The following BRCA2 variants were observed in gnomAD, a reference collection of about 807,000 sequenced individuals.
BRCA2 encodes the protein BRCA2 DNA repair associated.
In BRCA2, 203 loss-of-function variants were observed where a neutral mutation model predicts 276.7. That is an observed-to-expected ratio of 0.73 (90% CI 0.65 to 0.82). The LOEUF is 0.82. Among genes scored for constraint, BRCA2 ranks in the 40% least tolerant of loss-of-function variants. The probability of loss-of-function intolerance (pLI) is 0.00; values close to 1 mark genes in which losing one functional copy is unlikely to be tolerated. For synonymous variants in BRCA2, 1,289 were observed against 1,338.4 expected, an observed-to-expected ratio of 0.96 and a Z score of 0.81; for missense variants, 3,920 against 3,915.0, an observed-to-expected ratio of 1.00 and a Z score of -0.03.
At chr13:32,384,817 A>G (rs1566255354) in intron 24 of BRCA2, 4 of 274,128 alleles carry the variant, frequency 1.5e-5, no homozygotes, top group Non-Finnish European at 3.1e-5. Flanking sequence ...CAGTGTGGGA[A>G]TACACAATAC....
intron 24 of BRCA2, among the ~76,000 whole-genome samples, chr13:32,389,084 G>A (rs1242620779): frequency 6.6e-6 from 1 of 151,776 alleles, no homozygotes; most frequent in Non-Finnish European, 1.5e-5. Flanking sequence ...TTTTGTAGTT[G>A]TTTCTCTAGG....
Position 32,339,195 on chromosome 13 carries a change from A to T in BRCA2, c.4840A>T (p.Lys1614Ter), listed in dbSNP as rs80358706. The T allele has an allele frequency of 6.2e-7, 1 of 1,613,556 alleles. No homozygotes were observed. Among genetic ancestry groups the T allele is most frequent in the Non-Finnish European group, 8.5e-7 (1 of 1,179,584 alleles). Reference protein sequence around the residue: ...LVSIETVVPPKLLSDNLCRQT... With the variant: ...LVSIETVVPP Reference sequence around the variant, plus strand: ...TTCTATTGAGACTGTGGTGCCACCTAAGCTCTTAAGTGATAATTTATGTAG... The same window carrying T: ...TTCTATTGAGACTGTGGTGCCACCTTAGCTCTTAAGTGATAATTTATGTAG... The change falls in exon 11 of 27, where the codon AAG (lysine) becomes TAG (stop). Residue 1614 changes from lysine (K) to a stop codon, truncating the protein, a stop_gained. Transcript: ENST00000380152. LOFTEE classifies it high-confidence loss of function.
intron 8 of BRCA2, among the ~76,000 whole-genome samples, chr13:32,330,002 C>T (rs555747046): frequency 1.1e-4 from 16 of 152,132 alleles, no homozygotes; most frequent in Non-Finnish European, 1.8e-4. Flanking sequence ...ACTCATGTGG[C>T]AGCAGCTTCA....
rs786201198 is a variant in BRCA2, at chr13:32,379,859, A to G, written c.9063A>G (p.Glu3021=). 4 of 1,613,900 alleles carry G rather than the reference A, an allele frequency of 2.5e-6. No individual in the cohort carries two copies. The highest frequency in any genetic ancestry group is 1.7e-4 in the Middle Eastern group (1 of 6,060). The change falls in exon 23 of 27, where the codon GAA becomes GAG. Residue 3021 remains glutamate, a synonymous_variant. Transcript: ENST00000380152. ...LATSKSKSKS[E]RANIQLAATK... ...CTTCAAAATCTAAAAGTAAATCTGA[A>G]AGAGCTAACATACAGTTAGCAGCGA...
Position 32,344,650 on chromosome 13 carries a change from G to C in BRCA2, c.6934G>C (p.Asp2312His), listed in dbSNP as rs2072598939. ...CTTAAAGGCTTCAAAAAGCACTCCA[G>C]ATGGTAAAATTAGCTTTTTATTTAT... ...KSLKASKSTP[D>H]GTIKDRRLFM... Residue 2312 changes from aspartate to histidine, a missense_variant, in exon 12 of 27, where the codon GAT (aspartate) becomes CAT (histidine). Asp to His is a moderately conservative substitution (Grantham distance 81, BLOSUM62 -1). Transcript: ENST00000380152. 6.4e-7 allele frequency: 1 copy of C among 1,560,276 alleles called. No homozygotes were observed. The highest frequency in any genetic ancestry group is 8.8e-7 in the Non-Finnish European group (1 of 1,131,782).
intron 3 of BRCA2, among the ~76,000 whole-genome samples, chr13:32,319,574 T>C (rs2072292288): frequency 6.6e-6 from 1 of 152,232 alleles, no homozygotes; most frequent in Non-Finnish European, 1.5e-5. Context: ...CCAACTGAGA[T>C]TTGCTGAATT....
chr13:32,341,794 G>A (rs985735303), intron 11 of BRCA2, among the ~76,000 whole-genome samples: 27 of 151,576 alleles, frequency 1.8e-4, no homozygotes, highest in African/African-American at 5.6e-4. Flanking sequence ...CGTGAACCTG[G>A]GAGGCGGAGC....
At position 32,355,293 on chromosome 13, in the gene BRCA2, T is replaced by C. The variant is rs775973095; in HGVS notation, c.7435+5T>C. ...AGTGTGAAGAAGAACCTTTAGGTATTGTATGACAATTTGTGTGATGAATTT... is the reference window on the plus strand; with the variant it reads ...AGTGTGAAGAAGAACCTTTAGGTATCGTATGACAATTTGTGTGATGAATTT... On this transcript the variant is annotated splice_donor_5th_base_variant and intron_variant, in intron 14 of 26. Transcript: ENST00000380152. 3.1e-6 allele frequency: 5 copies of C among 1,613,574 alleles called. No individual in the cohort carries two copies. The highest frequency in any genetic ancestry group is 4.2e-6 in the Non-Finnish European group (5 of 1,179,734).
chr13:32,370,350 G>T (rs2137596024), intron 18 of BRCA2, 52 bp from the exon 19 acceptor site: 1 of 1,516,496 alleles, frequency 6.6e-7, no homozygotes, highest in South Asian at 1.1e-5. Context: ...ATCTGTAATA[G>T]AATTGAATAC....
chr13:32,362,664 A>G lies in BRCA2; in HGVS notation c.7947A>G (p.Pro2649=), dbSNP rs80359799. ...PKEFANRCLS[P]ERVLLQLKYR... ...AATTTGCTAATAGATGCCTAAGCCCAGAAAGGGTGCTTCTTCAACTAAAAT... is the reference window on the plus strand; with the variant it reads ...AATTTGCTAATAGATGCCTAAGCCCGGAAAGGGTGCTTCTTCAACTAAAAT... Residue 2649 remains proline (P), a synonymous_variant, in exon 17 of 27, where the codon CCA becomes CCG. Coordinates refer to ENST00000380152, the MANE Select transcript of BRCA2 (RefSeq NM_000059.4). 4 of 1,614,094 alleles carry G rather than the reference A, an allele frequency of 2.5e-6. No individual in the cohort carries two copies. The African/African-American group carries it at 5.3e-5, about 22-fold the overall frequency.
intron 10 of BRCA2, among the ~76,000 whole-genome samples, chr13:32,334,996 A>G (rs1324942806): frequency 6.6e-6 from 1 of 152,178 alleles, no homozygotes; most frequent in Non-Finnish European, 1.5e-5. Context: ...GTTTGGGTTA[A>G]ATTTTTAGAG....
At chr13:32,359,180 C>A (rs971159021) in intron 16 of BRCA2, among the ~76,000 whole-genome samples, 1 of 145,762 alleles carries the variant, frequency 6.9e-6, no homozygotes, top group African/African-American at 2.5e-5. Context: ...CAAAATTGCA[C>A]CACTGCACTG....
At chr13:32,376,553 T>G in intron 20 of BRCA2, 117 bp from the exon 21 acceptor site, 2 of 1,138,296 alleles carry the variant, frequency 1.8e-6, no homozygotes, top group Non-Finnish European at 2.5e-6. Flanking sequence ...CTTTTAGCAG[T>G]TATATAGTTT....
At chr13:32,328,046 ATTCT>A (rs1173033696) in intron 7 of BRCA2, among the ~76,000 whole-genome samples, 2 of 152,042 alleles carry the variant, frequency 1.3e-5, no homozygotes, top group African/African-American at 4.8e-5. Context: ...ACCTGTGACC[ATTCT>A]TTTTTATTTT....
At chr13:32,392,859 AT>A (rs2073006981) in intron 24 of BRCA2, among the ~76,000 whole-genome samples, 1 of 151,858 alleles carries the variant, frequency 6.6e-6, no homozygotes, top group African/African-American at 2.4e-5. Flanking sequence ...GCATTTAGTC[AT>A]TTTTCCCCTG....
intron 3 of BRCA2, 132 bp downstream of exon 3, chr13:32,319,457 A>C: frequency 2.2e-6 from 2 of 898,634 alleles, no homozygotes; most frequent in Non-Finnish European, 3.4e-6. Context: ...CTTTTTCCTC[A>C]CTCGAAAAAT....
At chr13:32,317,072 G>T (rs771501013) in intron 2 of BRCA2, among the ~76,000 whole-genome samples, 3 of 152,074 alleles carry the variant, frequency 2.0e-5, no homozygotes, top group Non-Finnish European at 4.4e-5. Context: ...GGTGGTGCGT[G>T]CCTGTAATCC....
chr13:32,316,889 A>G (rs1156426346), intron 2 of BRCA2, among the ~76,000 whole-genome samples: 6 of 152,210 alleles, frequency 3.9e-5, no homozygotes, highest in Non-Finnish European at 5.9e-5. Flanking sequence ...AGCTTACCAT[A>G]TTAGAAATTT....
intron 20 of BRCA2, among the ~76,000 whole-genome samples, chr13:32,372,143 T>C (rs749117963): frequency 7.9e-5 from 12 of 152,288 alleles, no homozygotes; most frequent in Non-Finnish European, 1.8e-4. Flanking sequence ...GATAGCATTT[T>C]ATCCATGGTA....
Sources: gnomAD v4.1 joint callset for allele counts (sites outside exome capture counted in the v4.1 genomes callset) on GRCh38, gnomAD v4.1.1 for gene constraint, MANE v1.5 for transcripts, NCBI Gene and HGNC (gene_info 2026-07-23, HGNC 2026-07-21) for gene names.